SLC44A5: variants seen among roughly 807,000 people sequenced by gnomAD.
SLC44A5 encodes solute carrier family 44 member 5.
Under a neutral mutation model 101.8 loss-of-function variants are expected in SLC44A5, and 57 were observed. The ratio of observed to expected loss-of-function variants is 0.56; its 90% CI spans 0.45 to 0.70. The LOEUF (loss-of-function observed/expected upper bound fraction) is 0.70, where lower values mean the gene tolerates loss of function less well. Among genes scored for constraint, SLC44A5 ranks in the 30% least tolerant of loss-of-function variants. SLC44A5 has a pLI of 0.00. For missense variants in SLC44A5, 737 were observed against 853.1 expected, an observed-to-expected ratio of 0.86 and a Z score of 1.70; for synonymous variants, 281 against 290.9, an observed-to-expected ratio of 0.97 and a Z score of 0.35.
intron 2 of SLC44A5, among the ~76,000 whole-genome samples, chr1:75,429,995 G>A (rs1297314844): frequency 6.6e-6 from 1 of 152,122 alleles, no homozygotes; most frequent in African/African-American, 2.4e-5. Context: ...CTGTCTCACA[G>A]AGCTTTCTAA....
At chr1:75,346,516 T>G (rs981342418) in intron 3 of SLC44A5, among the ~76,000 whole-genome samples, 1 of 152,120 alleles carries the variant, frequency 6.6e-6, no homozygotes, top group Non-Finnish European at 1.5e-5. Context: ...TAGGGGGCAT[T>G]TGAAATGCAC....
At position 75,214,658 on chromosome 1, in the gene SLC44A5, G is replaced by A. The variant is rs377746155; in HGVS notation, c.1749C>T (p.Asn583=). ...AAGCATCTTTTGCTGACCTGCAGAA[G>A]TTTCTGCCATATATTGCAATCTGAG... The part of the protein sequence containing the change: ...AYIMIAIYGR[N]FCRSAKDAFN... The change falls in exon 20 of 24, where the codon AAC becomes AAT. Residue 583 remains asparagine (N), a synonymous_variant. Coordinates refer to ENST00000370859, the MANE Select transcript of SLC44A5 (RefSeq NM_001130058.2). The A allele has an allele frequency of 1.2e-6, 2 of 1,611,366 alleles. No individual in the cohort carries two copies. Among genetic ancestry groups the A allele is most frequent in the Admixed American group, 1.7e-5 (1 of 59,724 alleles).
the SLC44A5 span, among the ~76,000 whole-genome samples, chr1:75,660,290 T>C: frequency 1.1e-4 from 16 of 152,278 alleles, no homozygotes; most frequent in East Asian, 2.5e-3. Flanking sequence ...TATCTTTTCA[T>C]GATGAAAACA....
At chr1:75,519,110 T>A (rs1238487527) in intron 2 of SLC44A5, among the ~76,000 whole-genome samples, 1 of 152,192 alleles carries the variant, frequency 6.6e-6, no homozygotes, top group Non-Finnish European at 1.5e-5. Flanking sequence ...GGCTTTGGTG[T>A]TATAACTCTG....
the SLC44A5 span, among the ~76,000 whole-genome samples, chr1:75,719,502 T>TGC: frequency 1.3e-5 from 2 of 152,182 alleles, no homozygotes; most frequent in Non-Finnish European, 2.9e-5. Flanking sequence ...CCCTGACCAC[T>TGC]GCTTTTGAGT....
intron 3 of SLC44A5, among the ~76,000 whole-genome samples, chr1:75,369,090 T>G (rs1056010877): frequency 6.6e-6 from 1 of 152,066 alleles, no homozygotes; most frequent in Non-Finnish European, 1.5e-5. Context: ...CATAACTCAC[T>G]GCAGCCTCCA....
At chr1:75,441,826 G>C (rs1448495876) in intron 2 of SLC44A5, among the ~76,000 whole-genome samples, 5 of 152,044 alleles carry the variant, frequency 3.3e-5, no homozygotes, top group Non-Finnish European at 7.4e-5. Flanking sequence ...CTATTAGATA[G>C]TGTATATTAG....
chr1:75,694,902 G>A, the SLC44A5 span, among the ~76,000 whole-genome samples: 1 of 152,142 alleles, frequency 6.6e-6, no homozygotes, highest in African/African-American at 2.4e-5. Flanking sequence ...AGCGAAGTTG[G>A]TTGGGACGCT....
At chr1:75,654,013 G>T in the SLC44A5 span, among the ~76,000 whole-genome samples, 78 of 152,126 alleles carry the variant, frequency 5.1e-4, no homozygotes, top group Admixed American at 3.5e-3. Context: ...CCAACTCAAG[G>T]ACTATCTAAC....
At chr1:75,636,751 T>G in the SLC44A5 span, among the ~76,000 whole-genome samples, 2 of 152,080 alleles carry the variant, frequency 1.3e-5, no homozygotes, top group Non-Finnish European at 2.9e-5. Context: ...TAACAAATGC[T>G]TTGACAGTTT....
chr1:75,567,159 CTTCTG>C (rs536641893), intron 1 of SLC44A5, among the ~76,000 whole-genome samples: 5,522 of 152,232 alleles, frequency 0.036, 337 homozygotes, highest in African/African-American at 0.13. Context: ...AGCCATACTG[CTTCTG>C]CAGGTGTTTG....
At chr1:75,369,863 G>C (rs1660114097) in intron 3 of SLC44A5, among the ~76,000 whole-genome samples, 1 of 152,126 alleles carries the variant, frequency 6.6e-6, no homozygotes. Context: ...TCAATTACCA[G>C]GTTTCCAGCT....
At chr1:75,651,824 G>A in the SLC44A5 span, among the ~76,000 whole-genome samples, 1 of 152,174 alleles carries the variant, frequency 6.6e-6, no homozygotes, top group African/African-American at 2.4e-5. Flanking sequence ...GAGCAGGGCA[G>A]GAGAGGCCCC....
chr1:75,323,790 TA>T (rs1656367210), intron 4 of SLC44A5, among the ~76,000 whole-genome samples: 1 of 152,218 alleles, frequency 6.6e-6, no homozygotes, highest in Admixed American at 6.5e-5. Flanking sequence ...TGTTTATCTC[TA>T]AAGTTTATCT....
chr1:75,236,467 A>T (rs1483826571), intron 11 of SLC44A5, among the ~76,000 whole-genome samples: 1 of 152,002 alleles, frequency 6.6e-6, no homozygotes, highest in Non-Finnish European at 1.5e-5. Flanking sequence ...ATCTATACAT[A>T]TATATTTATG....
chr1:75,613,979 T>C (rs1302353089), upstream of SLC44A5, among the ~76,000 whole-genome samples: 1 of 152,216 alleles, frequency 6.6e-6, no homozygotes, highest in Non-Finnish European at 1.5e-5. Context: ...CTGGCTACCA[T>C]GTACTGTAAA....
chr1:75,664,451 G>C, the SLC44A5 span, among the ~76,000 whole-genome samples: 1 of 152,038 alleles, frequency 6.6e-6, no homozygotes, highest in Admixed American at 6.6e-5. Flanking sequence ...ACTAATAAAA[G>C]ACTTCAGTAA....
At chr1:75,543,158 A>G (rs1036438051) in intron 1 of SLC44A5, among the ~76,000 whole-genome samples, 13 of 152,198 alleles carry the variant, frequency 8.5e-5, no homozygotes, top group Non-Finnish European at 1.5e-5. Context: ...ATTTTATACT[A>G]TTTTAATGTC....
At chr1:75,678,040 C>T in the SLC44A5 span, among the ~76,000 whole-genome samples, 1 of 152,244 alleles carries the variant, frequency 6.6e-6, no homozygotes, top group African/African-American at 2.4e-5. Context: ...CACCCAAATA[C>T]TGCGCTTTTC....
Sources: gnomAD v4.1 joint callset for allele counts (sites outside exome capture counted in the v4.1 genomes callset) on GRCh38, gnomAD v4.1.1 for gene constraint, MANE v1.5 for transcripts, NCBI Gene and HGNC (gene_info 2026-07-23, HGNC 2026-07-21) for gene names.